HERC1: variants seen among roughly 807,000 people sequenced by gnomAD.
HERC1 encodes the protein HECT and RLD domain containing E3 ubiquitin protein ligase family member 1, also known as probable E3 ubiquitin-protein ligase HERC1.
In HERC1, 160 loss-of-function variants were observed where a neutral mutation model predicts 554.3. The observed-to-expected ratio is 0.29, with a 90% CI of 0.25 to 0.33. HERC1 has a LOEUF of 0.33. HERC1 is among the 10% of genes least tolerant of loss of function. The pLI, the probability that HERC1 is intolerant of heterozygous loss-of-function variation, is 1.00. For missense variants in HERC1, 4,919 were observed against 5,918.5 expected, an observed-to-expected ratio of 0.83 and a Z score of 5.54; for synonymous variants, 2,175 against 2,131.7, an observed-to-expected ratio of 1.02 and a Z score of -0.56.
intron 74 of HERC1, among the ~76,000 whole-genome samples, chr15:63,620,883 G>C (rs1329205961): frequency 6.6e-6 from 1 of 152,090 alleles, no homozygotes; most frequent in South Asian, 2.1e-4. Context: ...GAGCCTATAT[G>C]TGTCTCTGCA....
chr15:63,684,710 A>G (rs1040472392), intron 34 of HERC1, among the ~76,000 whole-genome samples: 21 of 143,920 alleles, frequency 1.5e-4, no homozygotes, highest in Non-Finnish European at 1.5e-5. Context: ...CTAGCGGGGG[A>G]AAAAAATCTA....
At chr15:63,705,094 A>G (rs1386765797) in intron 25 of HERC1, among the ~76,000 whole-genome samples, 1 of 151,800 alleles carries the variant, frequency 6.6e-6, no homozygotes, top group Non-Finnish European at 1.5e-5. Flanking sequence ...GTCTCAAAAG[A>G]CTTCTCGATA....
In HERC1 at chr15:63,774,415, G is replaced by A. The variant is rs561639734; in HGVS notation, c.930+279C>T. ...AAAATCTCTAATTTTTCATAAGTTCGCTAAAACATAAAGTTAGATGAATTT... is the reference window on the plus strand; with the variant it reads ...AAAATCTCTAATTTTTCATAAGTTCACTAAAACATAAAGTTAGATGAATTT... On this transcript the variant is annotated intron_variant, in intron 2 of 77. Transcript: ENST00000443617. 9.9e-5 allele frequency among the ~76,000 whole-genome samples: 15 copies of A among 152,094 alleles called. No individual in the cohort carries two copies. The East Asian group carries it at 2.1e-3, about 21-fold the overall frequency.
intron 25 of HERC1, 48 bp downstream of exon 25, chr15:63,706,732 A>T: frequency 1.0e-6 from 1 of 981,778 alleles, no homozygotes; most frequent in Non-Finnish European, 1.5e-6. Flanking sequence ...TTTTTTTGAG[A>T]CAGGGTCTCA....
intron 1 of HERC1, among the ~76,000 whole-genome samples, chr15:63,776,604 G>A (rs554320192): frequency 1.3e-5 from 2 of 152,322 alleles, no homozygotes; most frequent in East Asian, 3.9e-4. Flanking sequence ...TGAGGAGCAT[G>A]AGGACACTTC....
Position 63,655,896 on chromosome 15 carries a change from T to C in HERC1, c.9930A>G (p.Arg3310=). 6.2e-7 allele frequency: 1 copy of C among 1,612,894 alleles called. No individual in the cohort carries two copies. The highest frequency in any genetic ancestry group is 8.5e-7 in the Non-Finnish European group (1 of 1,179,474). ...CTCGGAGAAAGCTGGGTAGAAACTT[T>C]CGCTGAATTGAGTCATCAACTGTGG... ...NLTTVDDSIQ[R]KFLPSFLRGI... is the part of the protein sequence containing the mutation. The change falls in exon 50 of 78, where the codon CGA becomes CGG. Residue 3310 remains arginine, a synonymous_variant. Coordinates refer to ENST00000443617, the MANE Select transcript of HERC1 (RefSeq NM_003922.4).
intron 1 of HERC1, among the ~76,000 whole-genome samples, chr15:63,789,117 G>C (rs2076550042): frequency 9.6e-6 from 1 of 104,180 alleles, no homozygotes; most frequent in Admixed American, 1.4e-4. Flanking sequence ...TTGAGACGGA[G>C]TCTCGCTCTG....
chr15:63,646,338 A>G (rs750961827), intron 55 of HERC1, among the ~76,000 whole-genome samples: 1 of 152,112 alleles, frequency 6.6e-6, no homozygotes, highest in Non-Finnish European at 1.5e-5. Context: ...TTCATAATTC[A>G]CTGTTTTAGC....
chr15:63,645,087 T>C lies in HERC1; in HGVS notation c.11089A>G (p.Ser3697Gly). ...ATGCGCCAAACACATACTAAGCCAC[T>C]CTGACAGCCACTTAAAAAAATTGAT... ...LQLLMATGCQSGLVCVWRIPQ... is the reference protein window; with the variant it reads ...LQLLMATGCQGGLVCVWRIPQ... The change falls in exon 57 of 78, where the codon AGT (serine) becomes GGT (glycine). Residue 3697 changes from serine (S) to glycine (G), a missense_variant. Ser to Gly is a moderately conservative substitution (Grantham distance 56, BLOSUM62 0). Around this residue, in one of 11 missense-constraint regions of HERC1, gnomAD observed 1,963 missense variants for 2,228.6 expected, o/e 0.88. Coordinates refer to ENST00000443617, the MANE Select transcript of HERC1 (RefSeq NM_003922.4). 1 of 1,613,552 alleles carries C rather than the reference T, an allele frequency of 6.2e-7. No individual in the cohort carries two copies. Among genetic ancestry groups the C allele is most frequent in the Non-Finnish European group, 8.5e-7 (1 of 1,179,596 alleles).
chr15:63,821,148 G>T (rs907517988), intron 1 of HERC1, among the ~76,000 whole-genome samples: 38 of 152,264 alleles, frequency 2.5e-4, no homozygotes, highest in African/African-American at 8.4e-4. Context: ...CTAGCCAGGT[G>T]CATTAGCTCA....
At chr15:63,832,578 G>A (rs146005427) in intron 1 of HERC1, among the ~76,000 whole-genome samples, 254 of 152,164 alleles carry the variant, frequency 1.7e-3, no homozygotes, top group African/African-American at 5.9e-3. Context: ...ACCACTAACA[G>A]AATTGTAAAA....
chr15:63,674,851 G>T lies in HERC1; in HGVS notation c.7337C>A (p.Ser2446Tyr). ...GGTACTCTGACTTTTGACGTCATCA[G>T]ATGTTAGGCCTGTTCGCATATCTAA... ...SALDMRTGLT[S>Y]DDVKSQSTTS... The change falls in exon 38 of 78, where the codon TCT becomes TAT. Residue 2446 changes from serine (S) to tyrosine (Y), a missense_variant. By Grantham distance (144) the Ser-to-Tyr change is moderately radical (BLOSUM62 -2). Coordinates refer to ENST00000443617, the MANE Select transcript of HERC1 (RefSeq NM_003922.4). The T allele has an allele frequency of 6.2e-7, 1 of 1,613,778 alleles. No homozygotes were observed.
At chr15:63,667,766 G>A (rs552664559) in intron 40 of HERC1, among the ~76,000 whole-genome samples, 38 of 152,144 alleles carry the variant, frequency 2.5e-4, no homozygotes, top group African/African-American at 8.2e-4. Context: ...AATATAAAAC[G>A]AAGTACAGTT....
intron 1 of HERC1, among the ~76,000 whole-genome samples, chr15:63,827,423 TAA>T (rs879424249): frequency 2.8e-5 from 4 of 141,052 alleles, no homozygotes; most frequent in Non-Finnish European, 1.6e-5. Context: ...GACTGTGTCT[TAA>T]AAAAAAAAAA....
chr15:63,739,560 C>T (rs945112796), intron 12 of HERC1, among the ~76,000 whole-genome samples: 2 of 151,764 alleles, frequency 1.3e-5, no homozygotes, highest in Admixed American at 6.6e-5. Context: ...TTATACAGGC[C>T]GAGCGCGGTG....
At position 63,729,649 on chromosome 15, in the gene HERC1, C is replaced by A. The variant is rs1567060855; in HGVS notation, c.2869G>T (p.Asp957Tyr). 2 of 1,613,324 alleles carry A rather than the reference C, an allele frequency of 1.2e-6. No individual in the cohort carries two copies. Residue 957 changes from aspartate to tyrosine, a missense_variant and splice_region_variant, in exon 15 of 78, where the codon GAT becomes TAT. Coordinates refer to ENST00000443617, the MANE Select transcript of HERC1 (RefSeq NM_003922.4). ...TLLRNLGFYT[D>Y]QAFGELEKNS... ...TTTTCTAGCTCTCCAAATGCTTGATCCTAAAATGACACACAAAGGAAGTTT... is the reference window on the plus strand; with the variant it reads ...TTTTCTAGCTCTCCAAATGCTTGATACTAAAATGACACACAAAGGAAGTTT...
intron 37 of HERC1, among the ~76,000 whole-genome samples, chr15:63,676,124 A>C (rs879265318): frequency 6.6e-6 from 1 of 151,666 alleles, no homozygotes; most frequent in Non-Finnish European, 1.5e-5. Context: ...CCGGTCTCAA[A>C]CTCCTGACCT....
chr15:63,636,470 C>T (rs1255981295), intron 64 of HERC1, among the ~76,000 whole-genome samples: 2 of 151,946 alleles, frequency 1.3e-5, no homozygotes, highest in Admixed American at 6.6e-5. Context: ...AGGGTTTTAC[C>T]ATGCTGGCCA....
intron 24 of HERC1, among the ~76,000 whole-genome samples, chr15:63,711,015 G>C (rs954983282): frequency 6.6e-6 from 1 of 152,138 alleles, no homozygotes; most frequent in Non-Finnish European, 1.5e-5. Context: ...GCAGAGAAAC[G>C]ACATGATCTA....
Sources: gnomAD v4.1 joint callset for allele counts (sites outside exome capture counted in the v4.1 genomes callset) on GRCh38, gnomAD v4.1.1 for gene constraint, gnomAD v4.1.1 regional missense constraint, MANE v1.5 for transcripts, NCBI Gene and HGNC (gene_info 2026-07-23, HGNC 2026-07-21) for gene names.